Variants in TPRG1 observed in about 807,000 individuals in gnomAD.
TPRG1 encodes the protein tumor protein p63 regulated 1.
Under a neutral mutation model 29.3 loss-of-function variants are expected in TPRG1, and 29 were observed. The ratio of observed to expected loss-of-function variants is 0.99; its 90% CI spans 0.74 to 1.35. TPRG1 has a LOEUF of 1.35. Ranked by LOEUF, TPRG1 falls within the 40% of genes most tolerant of loss-of-function variation. TPRG1 has a pLI of 0.00. For synonymous variants in TPRG1, 130 were observed against 116.8 expected (o/e 1.11, Z -0.73); for missense variants, 327 against 335.0 (o/e 0.98, Z 0.19).
chr3:189,317,887 G>A (rs1187913502), intron 5 of TPRG1, among the ~76,000 whole-genome samples: 2 of 152,110 alleles, frequency 1.3e-5, no homozygotes, highest in Non-Finnish European at 2.9e-5. Context: ...TTGAGGCATG[G>A]GATAGGATGA....
At chr3:189,080,815 T>C (rs1717543088) in intron 4 of TPRG1, among the ~76,000 whole-genome samples, 1 of 151,652 alleles carries the variant, frequency 6.6e-6, no homozygotes, top group Non-Finnish European at 1.5e-5. Context: ...CTAGGTAAAC[T>C]GGGTTAGGTC....
intron 3 of TPRG1, among the ~76,000 whole-genome samples, chr3:189,237,247 A>G (rs1739636452): frequency 6.6e-6 from 1 of 152,080 alleles, no homozygotes; most frequent in Admixed American, 6.5e-5. Flanking sequence ...AGCCCAACAG[A>G]CACAGTCTCT....
intron 1 of TPRG1, among the ~76,000 whole-genome samples, chr3:189,105,650 C>T (rs1394488135): frequency 6.6e-6 from 1 of 152,094 alleles, no homozygotes; most frequent in African/African-American, 2.4e-5. Context: ...TTTGAGTCTA[C>T]TTTGCTTTTT....
intron 4 of TPRG1, among the ~76,000 whole-genome samples, chr3:189,063,290 G>A (rs928478489): frequency 2.0e-4 from 31 of 152,040 alleles, no homozygotes; most frequent in African/African-American, 7.2e-4. Context: ...GGAGAAATAG[G>A]TAAATCTACA....
chr3:189,219,534 GATTA>G, intron 3 of TPRG1: 1 of 927,024 alleles, frequency 1.1e-6, no homozygotes, highest in South Asian at 2.3e-5. Context: ...AAAAAAAAAA[GATTA>G]TTTTAAAAAA....
intron 5 of TPRG1, among the ~76,000 whole-genome samples, chr3:189,312,189 C>CTTTCTTTCTTTCTTTT (rs1722778316): frequency 1.1e-4 from 4 of 34,842 alleles, no homozygotes; most frequent in Non-Finnish European, 1.6e-4. Context: ...TTCTTTTTTT[C>CTTTCTTTCTTTCTTTT]TTTCTTTCTT....
chr3:189,264,462 C>T (rs991572733), intron 4 of TPRG1, among the ~76,000 whole-genome samples: 14 of 152,170 alleles, frequency 9.2e-5, no homozygotes, highest in African/African-American at 3.4e-4. Context: ...TTTTCTTTCT[C>T]CTTTTTGTTC....
intron 4 of TPRG1, among the ~76,000 whole-genome samples, chr3:189,033,157 A>T (rs1714032741): frequency 6.6e-6 from 1 of 152,210 alleles, no homozygotes; most frequent in Non-Finnish European, 1.5e-5. Context: ...CCATGCCTTA[A>T]GTGAAGCTGG....
chr3:189,247,258 G>A (rs1021143397), intron 4 of TPRG1, among the ~76,000 whole-genome samples: 10 of 151,816 alleles, frequency 6.6e-5, no homozygotes, highest in Admixed American at 1.3e-4. Flanking sequence ...AATCTATCCA[G>A]TATTTTTCAT....
chr3:189,260,764 T>G (rs1013931122), intron 4 of TPRG1, among the ~76,000 whole-genome samples: 2 of 152,180 alleles, frequency 1.3e-5, no homozygotes, highest in African/African-American at 4.8e-5. Flanking sequence ...GGAGAGATGC[T>G]GGTGAAAGCA....
chr3:189,081,563 T>G (rs919782659), intron 4 of TPRG1, among the ~76,000 whole-genome samples: 6 of 152,212 alleles, frequency 3.9e-5, no homozygotes, highest in South Asian at 2.1e-4. Context: ...GTCACAAGTA[T>G]TAAATGATAC....
intron 5 of TPRG1, among the ~76,000 whole-genome samples, chr3:189,313,434 A>G (rs751277761): frequency 2.1e-4 from 32 of 152,338 alleles, no homozygotes; most frequent in Non-Finnish European, 4.1e-4. Flanking sequence ...ATGAAATAGG[A>G]AAAAAGTAGA....
chr3:189,087,100 G>A (rs1295676130), intron 4 of TPRG1, among the ~76,000 whole-genome samples: 1 of 152,100 alleles, frequency 6.6e-6, no homozygotes, highest in African/African-American at 2.4e-5. Context: ...CCACAGTGGT[G>A]GAACTAGTTT....
intron 4 of TPRG1, among the ~76,000 whole-genome samples, chr3:189,030,986 A>G (rs1713901009): frequency 6.6e-6 from 1 of 152,188 alleles, no homozygotes; most frequent in Non-Finnish European, 1.5e-5. Context: ...TAAAAAATTA[A>G]AAAGGGCCGA....
chr3:189,145,366 A>AAAAAAAAAAAAAAAC (rs905163323), intron 3 of TPRG1, among the ~76,000 whole-genome samples: 2 of 151,510 alleles, frequency 1.3e-5, no homozygotes, highest in South Asian at 4.2e-4. Flanking sequence ...ATCTAAAAAA[A>AAAAAAAAAAAAAAAC]AAAAAAACAT....
intron 4 of TPRG1, among the ~76,000 whole-genome samples, chr3:189,295,214 C>T (rs7634850): frequency 0.059 from 8,951 of 152,206 alleles, 614 homozygotes; most frequent in African/African-American, 0.16. Context: ...CTTCTCCCCT[C>T]AGTTTTCTCC....
At chr3:189,180,160 G>A (rs1578690812) in intron 1 of TPRG1, among the ~76,000 whole-genome samples, 4 of 152,066 alleles carry the variant, frequency 2.6e-5, no homozygotes, top group South Asian at 2.1e-4. Flanking sequence ...CCATGATTCA[G>A]TTACCTCCCA....
intron 5 of TPRG1, among the ~76,000 whole-genome samples, chr3:189,312,414 CT>C (rs1331858190): frequency 2.7e-5 from 4 of 150,640 alleles, no homozygotes; most frequent in African/African-American, 9.7e-5. Flanking sequence ...CATTTTCCTG[CT>C]TTAAAGGACA....
chr3:189,277,801 A>G (rs975643120), intron 4 of TPRG1, among the ~76,000 whole-genome samples: 2 of 152,200 alleles, frequency 1.3e-5, no homozygotes, highest in African/African-American at 4.8e-5. Context: ...TGGAATCACT[A>G]TTATGTTAGC....
Sources: allele counts gnomAD v4.1 joint callset (sites outside exome capture counted in the v4.1 genomes callset), GRCh38; gene constraint gnomAD v4.1.1; transcripts MANE v1.5; gene names NCBI Gene and HGNC (gene_info 2026-07-23, HGNC 2026-07-21).